MPP2: variants seen among roughly 807,000 people sequenced by gnomAD.
MPP2 encodes MAGUK p55 subfamily member 2.
Under a neutral mutation model 58.5 loss-of-function variants are expected in MPP2, and 42 were observed. That is an observed-to-expected ratio of 0.72 (90% CI 0.56 to 0.93). MPP2 has a LOEUF of 0.93. Among genes scored for constraint, MPP2 ranks in the 40% least tolerant of loss-of-function variants. The probability of loss-of-function intolerance (pLI) is 0.00; values close to 1 mark genes in which losing one functional copy is unlikely to be tolerated. For missense variants in MPP2, 632 were observed against 760.4 expected (o/e 0.83, Z 1.99); for synonymous variants, 300 against 307.8 (o/e 0.97, Z 0.26).
At chr17:43,906,444 T>G (rs2048290671) in intron 1 of MPP2, among the ~76,000 whole-genome samples, 1 of 151,914 alleles carries the variant, frequency 6.6e-6, no homozygotes, top group African/African-American at 2.4e-5. Context: ...CCCTCTCAGC[T>G]CTGCCTCCGA....
intron 3 of MPP2, among the ~76,000 whole-genome samples, chr17:43,895,808 T>A (rs1381163747): frequency 6.6e-6 from 1 of 152,170 alleles, no homozygotes; most frequent in South Asian, 2.1e-4. Context: ...CAGCTTCTTG[T>A]CTTTATCTTT....
intron 2 of MPP2, chr17:43,900,729 T>A: frequency 4.1e-6 from 5 of 1,212,018 alleles, no homozygotes; most frequent in Non-Finnish European, 5.5e-6. Context: ...AAGCCCTGAC[T>A]GGCGCTGCGC....
upstream of MPP2, chr17:43,908,008 G>C (rs1041813072): frequency 3.1e-6 from 3 of 983,256 alleles, no homozygotes; most frequent in African/African-American, 5.2e-5. Context: ...GGGATCAGGG[G>C]CAGCTTTTTA....
At chr17:43,900,276 G>T (rs1481698536) in intron 2 of MPP2, among the ~76,000 whole-genome samples, 1 of 152,184 alleles carries the variant, frequency 6.6e-6, no homozygotes, top group African/African-American at 2.4e-5. Flanking sequence ...TCCTGCCAGG[G>T]TATGCCAGAT....
At chr17:43,900,035 G>C (rs373644360) in intron 2 of MPP2, among the ~76,000 whole-genome samples, 22 of 152,314 alleles carry the variant, frequency 1.4e-4, no homozygotes, top group African/African-American at 5.1e-4. Context: ...CCCTCCTCCA[G>C]GAAGGAACAG....
At chr17:43,902,505 C>A (rs1011344369) in intron 2 of MPP2, among the ~76,000 whole-genome samples, 2 of 152,204 alleles carry the variant, frequency 1.3e-5, no homozygotes, top group Admixed American at 6.5e-5. Context: ...CCCCAGGGAG[C>A]CCAGCAGGCT....
intron 1 of MPP2, 68 bp downstream of exon 1, chr17:43,907,406 C>A: frequency 1.0e-6 from 1 of 985,538 alleles, no homozygotes; most frequent in Non-Finnish European, 1.2e-6. Context: ...TCCTAAGTGC[C>A]GTGTCAGGAC....
In MPP2 at chr17:43,879,269, C is replaced by T; in HGVS notation, c.1482+6G>A. On this transcript the variant is annotated splice_donor_region_variant and intron_variant, in intron 12 of 12. Transcript: ENST00000269095. This position sits in a 1 kb window ranked among gnomAD's most constrained non-coding sequence, Gnocchi z 4.1. ...AGACCCCTCCCCCACACCTCAGAGC[C>T]CTCACCGTGAGCTGCTTGGTGGATA... 1.2e-6 allele frequency: 2 copies of T among 1,608,652 alleles called. No homozygotes were observed. The highest frequency in any genetic ancestry group is 1.7e-6 in the Non-Finnish European group (2 of 1,175,594).
chr17:43,886,037 G>C (rs1366794189), intron 3 of MPP2, among the ~76,000 whole-genome samples: 1 of 151,842 alleles, frequency 6.6e-6, no homozygotes, highest in Non-Finnish European at 1.5e-5. Flanking sequence ...GGACCCGGGA[G>C]GCAGAGGTTG....
intron 3 of MPP2, among the ~76,000 whole-genome samples, chr17:43,889,899 G>A (rs993093640): frequency 3.5e-5 from 5 of 144,468 alleles, no homozygotes; most frequent in Admixed American, 2.8e-4. Context: ...TGCAACCTCC[G>A]TCTCCCGGGT....
chr17:43,882,791 G>A, intron 5 of MPP2, 112 bp downstream of exon 5: 7 of 1,486,940 alleles, frequency 4.7e-6, no homozygotes, highest in Non-Finnish European at 6.5e-6. Flanking sequence ...CCTGCACAAA[G>A]CTGGCCCCAT....
intron 2 of MPP2, among the ~76,000 whole-genome samples, chr17:43,902,639 A>T (rs908027597): frequency 2.6e-5 from 4 of 151,284 alleles, no homozygotes; most frequent in Non-Finnish European, 5.9e-5. Flanking sequence ...GCCCTGGCTC[A>T]CTCCCTTCAC....
intron 1 of MPP2, among the ~76,000 whole-genome samples, chr17:43,905,809 T>C (rs903397934): frequency 6.6e-6 from 1 of 152,024 alleles, no homozygotes; most frequent in African/African-American, 2.4e-5. Context: ...TCTGCTCCCA[T>C]TCCCTTCTCA....
rs544761588 is a variant in MPP2, at chr17:43,877,186, C to G, written c.*621G>C. On this transcript the variant is annotated 3_prime_UTR_variant, in exon 13 of 13. Transcript: ENST00000269095. ...GCAGCATCTGCCCTGCGACCCTGTC[C>G]CTTTCCAAAGGAGCTGGGAGCTGCA... is the stretch of plus-strand genomic sequence containing the variant. 47 of 152,994 alleles carry G rather than the reference C, an allele frequency of 3.1e-4. 1 individual carries two copies. Among genetic ancestry groups the G allele is most frequent in the African/African-American group, 1.1e-3 (47 of 41,570 alleles). The allele number at this position is 152,994 out of a possible 1,614,324, so 9.5% of individuals were successfully genotyped here.
rs756481668 is a variant in MPP2 at position 43,882,487 on chromosome 17, C to T, written c.478G>A (p.Gly160Ser). The T allele has an allele frequency of 1.2e-5, 20 of 1,604,822 alleles. No homozygotes were observed. In the South Asian group the frequency reaches 1.9e-4, roughly 15 times the overall value. ...AGAATGCGCGCGATCACCAGCTCGCCGCCCTCCACGCGGAACGTTACACCC... is the reference window on the plus strand; with the variant it reads ...AGAATGCGCGCGATCACCAGCTCGCTGCCCTCCACGCGGAACGTTACACCC... ...HLGVTFRVEG[G>S]ELVIARILHG... is the part of the protein sequence containing the mutation. Residue 160 changes from glycine (G) to serine (S), a missense_variant, in exon 6 of 13, where the codon GGC becomes AGC. Transcript: ENST00000269095.
At chr17:43,907,541 G>C, upstream of MPP2, 2 of 985,502 alleles carry the variant, frequency 2.0e-6, no homozygotes, top group Non-Finnish European at 2.4e-6. Flanking sequence ...TTTATTGCTT[G>C]TCAATCGCTA....
intron 3 of MPP2, among the ~76,000 whole-genome samples, chr17:43,895,073 G>C (rs1355733766): frequency 1.3e-5 from 2 of 152,058 alleles, no homozygotes; most frequent in Non-Finnish European, 2.9e-5. Context: ...GTGAAAATGA[G>C]GAAGGGGAGA....
chr17:43,892,985 TGG>T (rs2047672656), intron 3 of MPP2, among the ~76,000 whole-genome samples: 1 of 72 alleles, frequency 0.014, no homozygotes, highest in African/African-American at 0.071. Flanking sequence ...AGGTATTTGA[TGG>T]ATGGATGGAT....
intron 3 of MPP2, among the ~76,000 whole-genome samples, chr17:43,887,378 T>C (rs1043185016): frequency 3.9e-5 from 6 of 152,070 alleles, no homozygotes; most frequent in Admixed American, 3.3e-4. Context: ...AGCAAGACCC[T>C]GGCTCAAAAA....
Sources: allele counts gnomAD v4.1 joint callset (sites outside exome capture counted in the v4.1 genomes callset), GRCh38; gene constraint gnomAD v4.1.1; non-coding constraint Gnocchi (gnomAD v3.1); transcripts MANE v1.5; gene names NCBI Gene and HGNC (gene_info 2026-07-23, HGNC 2026-07-21).